ALPK1: variants seen among roughly 807,000 people sequenced by gnomAD.
ALPK1 encodes alpha kinase 1.
In ALPK1, 110 loss-of-function variants were observed where a neutral mutation model predicts 120.6. The ratio of observed to expected loss-of-function variants is 0.91; its 90% CI spans 0.78 to 1.07. The LOEUF is 1.07. ALPK1 is among the 50% of genes least tolerant of loss of function. The probability of loss-of-function intolerance (pLI) is 0.00; values close to 1 mark genes in which losing one functional copy is unlikely to be tolerated. For missense variants in ALPK1, 1,498 were observed against 1,483.9 expected, an observed-to-expected ratio of 1.01 and a Z score of -0.16; for synonymous variants, 582 against 560.3, an observed-to-expected ratio of 1.04 and a Z score of -0.55.
At position 112,431,252 on chromosome 4, in the gene ALPK1, G is replaced by A. The variant is rs1177168452; in HGVS notation, c.1705G>A (p.Val569Ile). 6.2e-7 allele frequency: 1 copy of A among 1,614,072 alleles called. No individual in the cohort carries two copies. Among genetic ancestry groups the A allele is most frequent in the Non-Finnish European group, 8.5e-7 (1 of 1,180,036 alleles). ...GGACTACAGCAATGGTGAGGGAGCT[G>A]TTTTCAACAAGTCTCTGAGTGGCAG... is the stretch of plus-strand genomic sequence containing the variant. ...PSDYSNGEGA[V>I]FNKSLSGSQT... Residue 569 changes from valine (V) to isoleucine (I), a missense_variant, in exon 11 of 16, where the codon GTT becomes ATT. Physicochemically the swap from Val to Ile is conservative, Grantham distance 29 (BLOSUM62 3). Coordinates refer to ENST00000650871, the MANE Select transcript of ALPK1 (RefSeq NM_025144.4).
At chr4:112,310,461 C>T (rs1227097730) in intron 1 of ALPK1, among the ~76,000 whole-genome samples, 2 of 151,998 alleles carry the variant, frequency 1.3e-5, no homozygotes, top group Non-Finnish European at 2.9e-5. Context: ...TCTGTATCAG[C>T]GGGTATGTGT....
At chr4:112,403,317 A>G (rs532644275) in intron 4 of ALPK1, among the ~76,000 whole-genome samples, 208 of 152,206 alleles carry the variant, frequency 1.4e-3, no homozygotes, top group Non-Finnish European at 2.1e-3. Flanking sequence ...GTGGGTATTA[A>G]TTTCTCAGAG....
At chr4:112,391,396 A>AATTAAATTTT in intron 4 of ALPK1, among the ~76,000 whole-genome samples, 1 of 152,348 alleles carries the variant, frequency 6.6e-6, no homozygotes, top group East Asian at 1.9e-4. Flanking sequence ...CATTAAAGGC[A>AATTAAATTTT]ATTAAATTTT....
At chr4:112,387,644 T>C (rs1467983184) in intron 4 of ALPK1, among the ~76,000 whole-genome samples, 1 of 152,266 alleles carries the variant, frequency 6.6e-6, no homozygotes, top group East Asian at 1.9e-4. Flanking sequence ...TTTTGGAAAG[T>C]GTCTGTGGTG....
intron 1 of ALPK1, among the ~76,000 whole-genome samples, chr4:112,308,367 C>T (rs1440256849): frequency 3.3e-5 from 5 of 152,044 alleles, no homozygotes; most frequent in East Asian, 1.9e-4. Context: ...CCATTCTCCC[C>T]GTCACTCTCA....
chr4:112,425,435 AAT>A (rs1407683191), intron 6 of ALPK1: 1 of 317,244 alleles, frequency 3.2e-6, no homozygotes, highest in African/African-American at 2.2e-5. Flanking sequence ...AAGGAGGCAA[AAT>A]AAAGTAGAGT....
At chr4:112,344,723 T>A (rs1173198038) in intron 2 of ALPK1, among the ~76,000 whole-genome samples, 1 of 152,164 alleles carries the variant, frequency 6.6e-6, no homozygotes, top group Non-Finnish European at 1.5e-5. Context: ...GAAAGTTACT[T>A]AACCTCCATG....
intron 1 of ALPK1, among the ~76,000 whole-genome samples, chr4:112,300,356 C>T (rs1000419427): frequency 2.6e-5 from 4 of 151,666 alleles, no homozygotes; most frequent in African/African-American, 4.8e-5. Context: ...GATATTCTTA[C>T]AAAAAATTTT....
chr4:112,392,662 G>A (rs1352190791), intron 4 of ALPK1, among the ~76,000 whole-genome samples: 1 of 152,150 alleles, frequency 6.6e-6, no homozygotes, highest in Non-Finnish European at 1.5e-5. Flanking sequence ...AAGTAGCTGG[G>A]ACTACAGGTG....
At chr4:112,320,493 C>T (rs1203931486) in intron 2 of ALPK1, among the ~76,000 whole-genome samples, 1 of 151,920 alleles carries the variant, frequency 6.6e-6, no homozygotes, top group East Asian at 1.9e-4. Flanking sequence ...AGGAATATTG[C>T]CCTGTAGTTT....
intron 9 of ALPK1, 100 bp from the exon 10 acceptor site, chr4:112,429,049 C>G (rs1734404950): frequency 5.5e-6 from 6 of 1,089,250 alleles, no homozygotes; most frequent in Non-Finnish European, 8.4e-6. Context: ...TGAGGAGTCC[C>G]TTGAAATCAT....
chr4:112,395,816 T>C (rs1483931495), intron 4 of ALPK1, among the ~76,000 whole-genome samples: 1 of 152,174 alleles, frequency 6.6e-6, no homozygotes. Flanking sequence ...GATGTGTAGA[T>C]CCAAATAGAA....
At chr4:112,299,792 A>T (rs2110516140) in intron 1 of ALPK1, among the ~76,000 whole-genome samples, 1 of 152,312 alleles carries the variant, frequency 6.6e-6, no homozygotes, top group Middle Eastern at 3.4e-3. Flanking sequence ...TTTCCTCGTA[A>T]ATTATCATAT....
At chr4:112,356,851 C>A in intron 2 of ALPK1, 1 of 733,630 alleles carries the variant, frequency 1.4e-6, no homozygotes, top group East Asian at 2.8e-5. Context: ...ACAACATTGA[C>A]CTTAAGGGGA....
chr4:112,416,394 C>G (rs1733747634), intron 5 of ALPK1, among the ~76,000 whole-genome samples: 1 of 151,690 alleles, frequency 6.6e-6, no homozygotes. Flanking sequence ...GAACTGGAAA[C>G]TGTATTTAAA....
chr4:112,408,063 C>T (rs1369300772), intron 4 of ALPK1, among the ~76,000 whole-genome samples: 2 of 151,632 alleles, frequency 1.3e-5, no homozygotes, highest in Admixed American at 6.6e-5. Context: ...GCAGAGATTA[C>T]ACCACTGCAC....
At chr4:112,323,536 T>G (rs1728958464) in intron 2 of ALPK1, among the ~76,000 whole-genome samples, 1 of 152,190 alleles carries the variant, frequency 6.6e-6, no homozygotes, top group Non-Finnish European at 1.5e-5. Context: ...TTTAACAATT[T>G]GATTTTTTTG....
At chr4:112,382,725 C>A in intron 4 of ALPK1, 173 bp downstream of exon 4, 3 of 908,040 alleles carry the variant, frequency 3.3e-6, no homozygotes, top group East Asian at 2.7e-5. Flanking sequence ...ACATTACTTG[C>A]CCATAAGATC....
At chr4:112,353,817 C>T (rs957319421) in intron 2 of ALPK1, among the ~76,000 whole-genome samples, 1 of 151,932 alleles carries the variant, frequency 6.6e-6, no homozygotes, top group African/African-American at 2.4e-5. Context: ...TTCAGTGAGC[C>T]GAGATTGCAC....
Sources: gnomAD v4.1 joint callset for allele counts (sites outside exome capture counted in the v4.1 genomes callset) on GRCh38, gnomAD v4.1.1 for gene constraint, MANE v1.5 for transcripts, NCBI Gene and HGNC (gene_info 2026-07-23, HGNC 2026-07-21) for gene names.